PALM2AKAP2: variants seen among roughly 807,000 people sequenced by gnomAD.
PALM2AKAP2 encodes PALM2 and AKAP2 fusion, also known as PALM2-AKAP2 fusion protein.
A neutral mutation model predicts 71.5 loss-of-function variants in PALM2AKAP2; 37 were observed. The ratio of observed to expected loss-of-function variants is 0.52; its 90% CI spans 0.40 to 0.68. The LOEUF is 0.68. Ranked by LOEUF, PALM2AKAP2 falls within the 30% of genes least tolerant of loss-of-function variation. The probability of loss-of-function intolerance (pLI) is 0.00; values close to 1 mark genes in which losing one functional copy is unlikely to be tolerated. For missense variants in PALM2AKAP2, 1,224 were observed against 1,191.8 expected, an observed-to-expected ratio of 1.03 and a Z score of -0.40; for synonymous variants, 468 against 478.8, an observed-to-expected ratio of 0.98 and a Z score of 0.29.
At chr9:109,946,119 T>C (rs1831499006) in intron 6 of PALM2AKAP2, 1 of 152,178 alleles carries the variant, frequency 6.6e-6, no homozygotes, top group Non-Finnish European at 1.5e-5. Flanking sequence ...AATTCAGGCT[T>C]AGCCAGTACT....
chr9:109,880,790 G>A (rs1215779467), intron 3 of PALM2AKAP2, 109 bp downstream of exon 3: 6 of 1,411,684 alleles, frequency 4.3e-6, no homozygotes, highest in South Asian at 3.3e-5. Flanking sequence ...CTGTACTTGA[G>A]AATTTTCTTC....
intron 1 of PALM2AKAP2, among the ~76,000 whole-genome samples, chr9:109,829,034 T>C (rs973000035): frequency 6.6e-6 from 1 of 152,262 alleles, no homozygotes; most frequent in Non-Finnish European, 1.5e-5. Context: ...AGTGCTTTAG[T>C]TATTGATTAC....
intron 7 of PALM2AKAP2, among the ~76,000 whole-genome samples, chr9:110,035,424 AT>A (rs1427444846): frequency 6.9e-6 from 1 of 144,612 alleles, no homozygotes; most frequent in Admixed American, 7.1e-5. Context: ...TATAATACAT[AT>A]TATATACGTA....
chr9:109,651,810 T>G (rs960139460), intron 1 of PALM2AKAP2, among the ~76,000 whole-genome samples: 2 of 152,210 alleles, frequency 1.3e-5, no homozygotes, highest in African/African-American at 4.8e-5. Context: ...ATTCCCCAAA[T>G]TTGATGCCTT....
At chr9:109,977,651 A>G (rs1832194434) in intron 6 of PALM2AKAP2, among the ~76,000 whole-genome samples, 1 of 152,222 alleles carries the variant, frequency 6.6e-6, no homozygotes. Context: ...ACTGATCTGG[A>G]AAAACTGACA....
chr9:109,943,149 C>T (rs772599776), intron 6 of PALM2AKAP2: 20 of 1,614,038 alleles, frequency 1.2e-5, no homozygotes, highest in African/African-American at 5.3e-5. Flanking sequence ...ACCAAAATAT[C>T]GAGGATGAAG....
chr9:110,073,020 C>T (rs908014579), intron 1 of PALM2AKAP2, among the ~76,000 whole-genome samples: 1 of 152,214 alleles, frequency 6.6e-6, no homozygotes, highest in South Asian at 2.1e-4. Context: ...AGAAACTTCA[C>T]ACAACACCAA....
intron 7 of PALM2AKAP2, among the ~76,000 whole-genome samples, chr9:110,043,364 C>G (rs933960365): frequency 6.6e-6 from 1 of 152,204 alleles, no homozygotes; most frequent in African/African-American, 2.4e-5. Context: ...CCCCACCACT[C>G]TGGTCTTTCA....
At chr9:110,148,700 T>C (rs1490087825) in intron 2 of PALM2AKAP2, 1 of 152,280 alleles carries the variant, frequency 6.6e-6, no homozygotes, top group Non-Finnish European at 1.5e-5. Flanking sequence ...AGGCATGTCC[T>C]CTGGTGAGTG....
chr9:109,648,327 A>G (rs148101177), intron 1 of PALM2AKAP2, among the ~76,000 whole-genome samples: 179 of 152,334 alleles, frequency 1.2e-3, no homozygotes, highest in African/African-American at 4.1e-3. Context: ...CAAAGTTTTT[A>G]GCATTTGCAA....
chr9:109,851,214 A>C (rs1334605610), intron 1 of PALM2AKAP2, among the ~76,000 whole-genome samples: 16 of 99,670 alleles, frequency 1.6e-4, no homozygotes, highest in Admixed American at 8.6e-4. Flanking sequence ...AACAACAAAA[A>C]AAAAAAAACA....
intron 2 of PALM2AKAP2, 135 bp from the exon 3 acceptor site, chr9:109,880,416 G>A: frequency 2.3e-6 from 3 of 1,314,212 alleles, no homozygotes; most frequent in Non-Finnish European, 2.1e-6. Flanking sequence ...AGGGAGCCAT[G>A]TTAGTGAGGA....
At chr9:109,808,282 G>A (rs1460545466) in intron 1 of PALM2AKAP2, among the ~76,000 whole-genome samples, 1 of 152,226 alleles carries the variant, frequency 6.6e-6, no homozygotes, top group Non-Finnish European at 1.5e-5. Context: ...TGACCAAAAT[G>A]CTGATAGTGA....
At chr9:109,823,975 A>G (rs1294715246) in intron 1 of PALM2AKAP2, among the ~76,000 whole-genome samples, 1 of 151,404 alleles carries the variant, frequency 6.6e-6, no homozygotes, top group African/African-American at 2.4e-5. Flanking sequence ...TACAGCCTCA[A>G]CCTCCCCCAG....
intron 3 of PALM2AKAP2, among the ~76,000 whole-genome samples, chr9:109,887,707 T>C (rs1321509497): frequency 6.6e-6 from 1 of 151,886 alleles, no homozygotes; most frequent in Non-Finnish European, 1.5e-5. Flanking sequence ...AAAAATTCAA[T>C]GGAAGGACAT....
rs549265848 is a variant in PALM2AKAP2 at position 109,837,813 on chromosome 9, C to G, written c.46-29678C>G. On this transcript the variant is annotated intron_variant, in intron 1 of 9. Transcript: ENST00000302798. Reference sequence around the variant, plus strand: ...TTACATAATGGTAAAGGGATCAATTCAACAAGAAGAGCTAACTATCCTAAA... The same window carrying G: ...TTACATAATGGTAAAGGGATCAATTGAACAAGAAGAGCTAACTATCCTAAA... 4.5e-3 allele frequency among the ~76,000 whole-genome samples: 686 copies of G among 152,282 alleles called. 1 individual carries two copies. The highest frequency in any genetic ancestry group is 0.016 in the African/African-American group (648 of 41,550).
intron 1 of PALM2AKAP2, chr9:109,867,219 T>C (rs1218803364): frequency 7.1e-6 from 3 of 421,762 alleles, no homozygotes; most frequent in Non-Finnish European, 1.4e-5. Flanking sequence ...TGTGTGTGTG[T>C]AGAAACCGTC....
intron 6 of PALM2AKAP2, chr9:109,945,536 A>T (rs1831483005): frequency 6.6e-6 from 1 of 152,214 alleles, no homozygotes. Flanking sequence ...ATGCAGATAA[A>T]CCTATTTACA....
At chr9:109,866,132 C>CATTG (rs1157778632) in intron 1 of PALM2AKAP2, among the ~76,000 whole-genome samples, 1 of 152,172 alleles carries the variant, frequency 6.6e-6, no homozygotes, top group Non-Finnish European at 1.5e-5. Flanking sequence ...AAGGTCTGGG[C>CATTG]ATTGCACAGA....
Sources: allele counts gnomAD v4.1 joint callset (sites outside exome capture counted in the v4.1 genomes callset), GRCh38; gene constraint gnomAD v4.1.1; transcripts MANE v1.5; gene names NCBI Gene and HGNC (gene_info 2026-07-23, HGNC 2026-07-21).